ABCA13: variants seen among roughly 807,000 people sequenced by gnomAD.
ABCA13 encodes the protein ATP binding cassette subfamily A member 13.
In ABCA13, 476 loss-of-function variants were observed where a neutral mutation model predicts 478.7. That is an observed-to-expected ratio of 0.99 (90% CI 0.92 to 1.07). The LOEUF is 1.07. Among genes scored for constraint, ABCA13 ranks in the 50% least tolerant of loss-of-function variants. ABCA13 has a pLI of 0.00. For synonymous variants in ABCA13, 2,252 were observed against 2,158.9 expected, an observed-to-expected ratio of 1.04 and a Z score of -1.20; for missense variants, 6,060 against 5,910.6, an observed-to-expected ratio of 1.03 and a Z score of -0.83.
At chr7:48,458,403 AT>A (rs1420037841) in intron 43 of ABCA13, among the ~76,000 whole-genome samples, 1 of 152,154 alleles carries the variant, frequency 6.6e-6, no homozygotes, top group African/African-American at 2.4e-5. Context: ...GGCATATAAG[AT>A]TGCCATTACA....
chr7:48,580,554 T>A (rs1788611185), intron 56 of ABCA13, among the ~76,000 whole-genome samples, 180 bp downstream of exon 56: 1 of 152,196 alleles, frequency 6.6e-6, no homozygotes, highest in African/African-American at 2.4e-5. Context: ...TATATTTCCC[T>A]TATTTTACAT....
intron 38 of ABCA13, among the ~76,000 whole-genome samples, chr7:48,400,921 A>G (rs879467855): frequency 6.6e-6 from 1 of 152,260 alleles, no homozygotes; most frequent in Non-Finnish European, 1.5e-5. Flanking sequence ...GTTCTGGGAA[A>G]ACAGACATAA....
At chr7:48,249,121 A>G (rs755208272) in intron 14 of ABCA13, 91 bp from the exon 15 acceptor site, 28 of 1,137,682 alleles carry the variant, frequency 2.5e-5, no homozygotes, top group Non-Finnish European at 3.4e-5. Context: ...ATGCATTTGC[A>G]TATATTTGTT....
At chr7:48,373,434 G>A (rs562707531) in intron 33 of ABCA13, among the ~76,000 whole-genome samples, 16 of 152,252 alleles carry the variant, frequency 1.1e-4, no homozygotes, top group South Asian at 1.0e-3. Flanking sequence ...TTCAGTAAAC[G>A]ATTCAAAGCT....
chr7:48,631,253 A>G (rs1216448827), intron 59 of ABCA13, among the ~76,000 whole-genome samples: 1 of 151,980 alleles, frequency 6.6e-6, no homozygotes. Flanking sequence ...CCAGAATGAT[A>G]TTTCCTAGAT....
chr7:48,399,506 TAACTAGTCAG>T (rs1409922842), intron 38 of ABCA13, among the ~76,000 whole-genome samples: 1 of 152,174 alleles, frequency 6.6e-6, no homozygotes, highest in African/African-American at 2.4e-5. Flanking sequence ...ATTATAAAGT[TAACTAGTCAG>T]AAGAGGATGC....
intron 55 of ABCA13, among the ~76,000 whole-genome samples, chr7:48,545,977 G>A (rs1449465716): frequency 6.6e-6 from 1 of 151,796 alleles, no homozygotes; most frequent in African/African-American, 2.4e-5. Context: ...GGATTTTCTA[G>A]TGTTAAGACT....
intron 26 of ABCA13, among the ~76,000 whole-genome samples, chr7:48,316,944 T>G (rs1802678893): frequency 6.6e-6 from 1 of 152,174 alleles, no homozygotes; most frequent in African/African-American, 2.4e-5. Context: ...GACTTCTTGT[T>G]AGGCTCCACC....
chr7:48,288,897 G>T (rs1267322080), intron 20 of ABCA13, among the ~76,000 whole-genome samples: 1 of 152,126 alleles, frequency 6.6e-6, no homozygotes, highest in Admixed American at 6.5e-5. Flanking sequence ...CCCTAGGTAG[G>T]CCTGATCCCC....
At chr7:48,636,037 A>G (rs1259981860) in intron 59 of ABCA13, among the ~76,000 whole-genome samples, 2 of 152,160 alleles carry the variant, frequency 1.3e-5, no homozygotes, top group East Asian at 3.9e-4. Flanking sequence ...TTGTACCTGC[A>G]CCTAAAGTGA....
chr7:48,433,363 T>G (rs142477452), intron 42 of ABCA13, among the ~76,000 whole-genome samples: 44 of 151,200 alleles, frequency 2.9e-4, no homozygotes, highest in African/African-American at 9.9e-4. Context: ...CAAAAAATAT[T>G]TTTTTCATCT....
At chr7:48,483,594 T>C (rs1378777879) in intron 47 of ABCA13, among the ~76,000 whole-genome samples, 1 of 152,204 alleles carries the variant, frequency 6.6e-6, no homozygotes, top group African/African-American at 2.4e-5. Context: ...TTAGGAGTCC[T>C]GGATTTTCAA....
intron 59 of ABCA13, among the ~76,000 whole-genome samples, chr7:48,626,158 G>C (rs1468924071): frequency 2.0e-5 from 3 of 152,164 alleles, no homozygotes; most frequent in Non-Finnish European, 4.4e-5. Flanking sequence ...CATGAGCCCT[G>C]TAAGAACTGG....
chr7:48,223,297 A>T (rs566548265), intron 5 of ABCA13, among the ~76,000 whole-genome samples: 17 of 152,312 alleles, frequency 1.1e-4, no homozygotes, highest in Admixed American at 3.9e-4. Context: ...TGGAGCTGAG[A>T]TAAACTCTCT....
intron 32 of ABCA13, among the ~76,000 whole-genome samples, chr7:48,368,845 C>T (rs1812190362): frequency 1.3e-5 from 2 of 151,126 alleles, no homozygotes; most frequent in South Asian, 4.2e-4. Context: ...TGGGTTGGTT[C>T]CATATTTTTG....
intron 1 of ABCA13, among the ~76,000 whole-genome samples, chr7:48,176,122 A>T (rs1392077160): frequency 6.6e-6 from 1 of 152,004 alleles, no homozygotes; most frequent in Admixed American, 6.5e-5. Context: ...ATCTGTTGAC[A>T]CCTTGGATCT....
chr7:48,327,195 TG>T (rs1804467997), intron 27 of ABCA13, among the ~76,000 whole-genome samples: 1 of 152,190 alleles, frequency 6.6e-6, no homozygotes, highest in Non-Finnish European at 1.5e-5. Context: ...TTCACATGGC[TG>T]GGGAGGCCTC....
At chr7:48,230,023 C>A in intron 7 of ABCA13, 68 bp downstream of exon 7, 2 of 1,500,300 alleles carry the variant, frequency 1.3e-6, no homozygotes, top group Admixed American at 2.1e-5. Context: ...TGACAGTTGA[C>A]ATAGAGCTAA....
rs374956582 is a variant in ABCA13, at chr7:48,314,286, A to G, written c.9736A>G (p.Met3246Val). Residue 3246 changes from methionine (M) to valine (V), a missense_variant, in exon 26 of 62, where the codon ATG (methionine) becomes GTG (valine). Physicochemically the swap from Met to Val is conservative, Grantham distance 21 (BLOSUM62 1). This residue lies in a region of ABCA13 where 4,423 missense variants were observed against 4,309.1 expected (regional missense o/e 1.03). Transcript: ENST00000435803. ...AGCTTTTGGTTCTTTCCAGTTTGTG[A>G]TGAAGATGGTTTGCAAGGACCAAGC... ...SSAFGSFQFVMKMVCKDQASF... is the reference protein window; with the variant it reads ...SSAFGSFQFVVKMVCKDQASF... 1.2e-6 allele frequency: 2 copies of G among 1,613,644 alleles called. No homozygotes were observed. Among genetic ancestry groups the G allele is most frequent in the African/African-American group, 2.7e-5 (2 of 74,918 alleles).
Sources: gnomAD v4.1 joint callset for allele counts (sites outside exome capture counted in the v4.1 genomes callset) on GRCh38, gnomAD v4.1.1 for gene constraint, gnomAD v4.1.1 regional missense constraint, MANE v1.5 for transcripts, NCBI Gene and HGNC (gene_info 2026-07-23, HGNC 2026-07-21) for gene names.